PHF2: variants seen among roughly 807,000 people sequenced by gnomAD.
The protein encoded by PHF2 is PHD finger protein 2, also known as lysine-specific demethylase PHF2.
Under a neutral mutation model 120.5 loss-of-function variants are expected in PHF2, and 27 were observed. The ratio of observed to expected loss-of-function variants is 0.22; its 90% CI spans 0.17 to 0.31. The LOEUF is 0.31. Ranked by LOEUF, PHF2 falls within the 10% of genes least tolerant of loss-of-function variation. PHF2 has a pLI of 1.00. For synonymous variants in PHF2, 568 were observed against 592.5 expected (o/e 0.96, Z 0.60); for missense variants, 1,024 against 1,434.8 (o/e 0.71, Z 4.63).
At chr9:93,599,427 A>G (rs1380676055) in intron 1 of PHF2, among the ~76,000 whole-genome samples, 1 of 152,144 alleles carries the variant, frequency 6.6e-6, no homozygotes, top group Non-Finnish European at 1.5e-5. Context: ...GTGGGACCCC[A>G]TTGGGATCCA....
chr9:93,605,595 A>G (rs1378054266), intron 1 of PHF2, among the ~76,000 whole-genome samples: 1 of 152,182 alleles, frequency 6.6e-6, no homozygotes, highest in Non-Finnish European at 1.5e-5. Context: ...TGTAGTAGAC[A>G]TTCTGTCTAC....
chr9:93,647,098 T>G (rs1826274097), intron 4 of PHF2, among the ~76,000 whole-genome samples: 1 of 152,212 alleles, frequency 6.6e-6, no homozygotes, highest in Non-Finnish European at 1.5e-5. Context: ...TGCACAATGC[T>G]GGTCAGGCAG....
chr9:93,631,841 T>C (rs1826007087), intron 2 of PHF2, among the ~76,000 whole-genome samples: 1 of 151,966 alleles, frequency 6.6e-6, no homozygotes, highest in Non-Finnish European at 1.5e-5. Context: ...TGCTTTTGTG[T>C]GGGAGGTACA....
At chr9:93,644,979 G>A (rs1036438600) in intron 3 of PHF2, among the ~76,000 whole-genome samples, 1 of 152,146 alleles carries the variant, frequency 6.6e-6, no homozygotes, top group Non-Finnish European at 1.5e-5. Context: ...GGTTGTCACC[G>A]CACATGCCAT....
chr9:93,673,874 T>C lies in PHF2; in HGVS notation c.2626+12T>C, dbSNP rs769849954. The C allele has an allele frequency of 6.4e-7, 1 of 1,573,038 alleles. No individual in the cohort carries two copies. Among genetic ancestry groups the C allele is most frequent in the Admixed American group, 1.7e-5 (1 of 58,412 alleles). ...GGACTCAGACTACGGTGAGTGTCAC[T>C]CCTGCGTGGGGCAGGGCCCATGCTC... On this transcript the variant is annotated intron_variant, in intron 18 of 21. Transcript: ENST00000359246.
At chr9:93,615,897 G>C (rs759220765) in intron 1 of PHF2, among the ~76,000 whole-genome samples, 4 of 152,236 alleles carry the variant, frequency 2.6e-5, no homozygotes, top group Non-Finnish European at 5.9e-5. Context: ...GAAGAGATGA[G>C]CTGGGAAGGG....
intron 6 of PHF2, among the ~76,000 whole-genome samples, chr9:93,653,748 A>G (rs1826409368): frequency 6.6e-6 from 1 of 152,226 alleles, no homozygotes; most frequent in Non-Finnish European, 1.5e-5. Flanking sequence ...TGGGCAGGGA[A>G]GGCTAGGAGC....
chr9:93,661,489 GGATA>G (rs1229189855), intron 12 of PHF2, among the ~76,000 whole-genome samples: 1 of 152,196 alleles, frequency 6.6e-6, no homozygotes, highest in Non-Finnish European at 1.5e-5. Flanking sequence ...GTGAATGGCT[GGATA>G]GATGGATGGT....
chr9:93,660,691 G>C, intron 12 of PHF2, 131 bp downstream of exon 12: 1 of 842,482 alleles, frequency 1.2e-6, no homozygotes, highest in Non-Finnish European at 1.7e-6. Flanking sequence ...AGATGTGGGG[G>C]TCTGGGCTCT....
At chr9:93,637,781 A>T (rs974553453) in intron 3 of PHF2, among the ~76,000 whole-genome samples, 2 of 152,188 alleles carry the variant, frequency 1.3e-5, no homozygotes, top group South Asian at 2.1e-4. Context: ...TTATGTGGAC[A>T]TATGCTTTTA....
intron 1 of PHF2, among the ~76,000 whole-genome samples, chr9:93,591,472 A>T (rs1334461883): frequency 6.6e-6 from 1 of 152,168 alleles, no homozygotes; most frequent in African/African-American, 2.4e-5. Context: ...GGACGTGTGG[A>T]CTGGGGGCGT....
intron 18 of PHF2, among the ~76,000 whole-genome samples, chr9:93,674,351 G>A (rs35137913): frequency 0.13 from 19,195 of 151,948 alleles, 1,368 homozygotes; most frequent in Non-Finnish European, 0.17. Flanking sequence ...ACCTAGACCC[G>A]CCAGGCAGGG....
At chr9:93,620,895 A>C (rs1347920151) in intron 1 of PHF2, among the ~76,000 whole-genome samples, 1 of 152,268 alleles carries the variant, frequency 6.6e-6, no homozygotes, top group Non-Finnish European at 1.5e-5. Context: ...CAGTGTCGGC[A>C]AACAGTCTCT....
At chr9:93,634,864 C>T (rs545088197) in intron 2 of PHF2, among the ~76,000 whole-genome samples, 4 of 152,310 alleles carry the variant, frequency 2.6e-5, no homozygotes, top group East Asian at 1.9e-4. Flanking sequence ...AAGCACCTAC[C>T]GCACCAGGTG....
intron 1 of PHF2, among the ~76,000 whole-genome samples, 173 bp downstream of exon 1, chr9:93,577,044 C>T (rs1213259756): frequency 6.8e-6 from 1 of 146,174 alleles, no homozygotes; most frequent in Non-Finnish European, 1.5e-5. Flanking sequence ...GCCGCGCGCC[C>T]TTTTGTGCCC....
intron 1 of PHF2, among the ~76,000 whole-genome samples, chr9:93,611,279 G>A (rs571167204): frequency 2.0e-5 from 3 of 152,166 alleles, no homozygotes; most frequent in Admixed American, 2.0e-4. Flanking sequence ...GACAGGCGTG[G>A]TGGTGTGTGC....
chr9:93,620,236 T>C (rs529049084), intron 1 of PHF2, among the ~76,000 whole-genome samples: 21 of 152,304 alleles, frequency 1.4e-4, no homozygotes, highest in African/African-American at 5.1e-4. Context: ...TTCTGTCTTC[T>C]GAAAGGTCTG....
chr9:93,655,856 C>A, intron 7 of PHF2, 78 bp from the exon 8 acceptor site: 1 of 1,068,956 alleles, frequency 9.4e-7, no homozygotes, highest in Non-Finnish European at 1.4e-6. Flanking sequence ...TGGTCTCCGC[C>A]GCTCCCTGAT....
intron 17 of PHF2, 142 bp downstream of exon 17, chr9:93,667,382 C>T: frequency 2.2e-6 from 2 of 901,968 alleles, no homozygotes; most frequent in Non-Finnish European, 3.3e-6. Flanking sequence ...GGCAGAAGGG[C>T]ACACCTCAGA....
Sources: gnomAD v4.1 joint callset for allele counts (sites outside exome capture counted in the v4.1 genomes callset) on GRCh38, gnomAD v4.1.1 for gene constraint, MANE v1.5 for transcripts, NCBI Gene and HGNC (gene_info 2026-07-23, HGNC 2026-07-21) for gene names.